ADGRA3: variants seen among roughly 807,000 people sequenced by gnomAD.
The protein encoded by ADGRA3 is adhesion G protein-coupled receptor A3.
In ADGRA3, 56 loss-of-function variants were observed where a neutral mutation model predicts 119.8. The ratio of observed to expected loss-of-function variants is 0.47; its 90% CI spans 0.38 to 0.58. ADGRA3 has a LOEUF of 0.58. Among genes scored for constraint, ADGRA3 ranks in the 20% least tolerant of loss-of-function variants. ADGRA3 has a pLI of 0.00. For missense variants in ADGRA3, 1,516 were observed against 1,649.0 expected, an observed-to-expected ratio of 0.92 and a Z score of 1.40; for synonymous variants, 607 against 623.8, an observed-to-expected ratio of 0.97 and a Z score of 0.40.
intron 1 of ADGRA3, among the ~76,000 whole-genome samples, chr4:22,502,964 T>C (rs991638401): frequency 6.6e-6 from 1 of 150,652 alleles, no homozygotes; most frequent in Non-Finnish European, 1.5e-5. Context: ...AGTGCTTACA[T>C]GCTAGACTCT....
chr4:22,461,838 A>C, intron 2 of ADGRA3, 30 bp from the exon 3 acceptor site: 1 of 1,379,080 alleles, frequency 7.3e-7, no homozygotes, highest in Non-Finnish European at 1.0e-6. Flanking sequence ...AGTTATTCAC[A>C]TATCAACACT....
chr4:22,411,878 G>A (rs1316748791), intron 14 of ADGRA3, among the ~76,000 whole-genome samples: 1 of 151,772 alleles, frequency 6.6e-6, no homozygotes, highest in Non-Finnish European at 1.5e-5. Context: ...CCTTTACTCT[G>A]ATAAATAATC....
intron 1 of ADGRA3, among the ~76,000 whole-genome samples, chr4:22,480,318 GA>G (rs1222114562): frequency 6.6e-6 from 1 of 152,030 alleles, no homozygotes; most frequent in Non-Finnish European, 1.5e-5. Flanking sequence ...CACAGTGGGG[GA>G]AAAATGTGAT....
intron 1 of ADGRA3, among the ~76,000 whole-genome samples, chr4:22,492,060 G>T (rs1486752118): frequency 6.6e-6 from 1 of 152,134 alleles, no homozygotes; most frequent in African/African-American, 2.4e-5. Context: ...AAATAATATT[G>T]CTAAGAAATC....
At chr4:22,503,380 A>G (rs1040760622) in intron 1 of ADGRA3, among the ~76,000 whole-genome samples, 10 of 152,228 alleles carry the variant, frequency 6.6e-5, no homozygotes, top group South Asian at 6.2e-4. Flanking sequence ...TTGCACAATA[A>G]AACAAAGAAT....
intron 1 of ADGRA3, among the ~76,000 whole-genome samples, chr4:22,509,827 G>A (rs552714206): frequency 1.3e-4 from 20 of 151,866 alleles, no homozygotes; most frequent in Non-Finnish European, 1.9e-4. Context: ...TGGCTAACAC[G>A]GTGAAACCCC....
chr4:22,511,896 T>TTTC (rs1719461506), intron 1 of ADGRA3, among the ~76,000 whole-genome samples: 1 of 16,122 alleles, frequency 6.2e-5, no homozygotes, highest in African/African-American at 4.8e-4. Flanking sequence ...TCTTTCTTTC[T>TTTC]TTTTTTTTTT....
rs778903224 is a variant in ADGRA3, at chr4:22,388,156, T to C, written c.3515A>G (p.His1172Arg). 2.5e-6 allele frequency: 4 copies of C among 1,614,124 alleles called. No homozygotes were observed. Among genetic ancestry groups the C allele is most frequent in the Non-Finnish European group, 3.4e-6 (4 of 1,180,006 alleles). The change falls in exon 19 of 19, where the codon CAT becomes CGT. Residue 1172 changes from histidine to arginine, a missense_variant. Physicochemically the swap from His to Arg is conservative, Grantham distance 29. Coordinates refer to ENST00000334304, the MANE Select transcript of ADGRA3 (RefSeq NM_145290.4). ...FRTNVHSSRH[H>R]KNRSKGHRAS... ...CCGGTGTCCTTTACTTCTGTTTTTA[T>C]GGTGGCGGCTTGAGTGCACATTTGT...
intron 14 of ADGRA3, among the ~76,000 whole-genome samples, chr4:22,405,843 T>C (rs1304772392): frequency 6.6e-6 from 1 of 152,212 alleles, no homozygotes; most frequent in Non-Finnish European, 1.5e-5. Flanking sequence ...ATATGAAATA[T>C]GCAATAAATA....
At chr4:22,412,646 T>C (rs1197626231) in intron 14 of ADGRA3, among the ~76,000 whole-genome samples, 1 of 152,088 alleles carries the variant, frequency 6.6e-6, no homozygotes, top group East Asian at 1.9e-4. Flanking sequence ...CAACGGCAAA[T>C]AACAGAAAAC....
At chr4:22,509,335 T>C (rs1253885538) in intron 1 of ADGRA3, among the ~76,000 whole-genome samples, 4 of 151,786 alleles carry the variant, frequency 2.6e-5, no homozygotes, top group Non-Finnish European at 5.9e-5. Context: ...ACCCCATCTC[T>C]ACTAAAGATC....
chr4:22,502,239 G>A (rs1045455039), intron 1 of ADGRA3, among the ~76,000 whole-genome samples: 1 of 152,164 alleles, frequency 6.6e-6, no homozygotes, highest in African/African-American at 2.4e-5. Context: ...GCAATAATTA[G>A]TAAGTATGAA....
chr4:22,483,822 T>C (rs1718329646), intron 1 of ADGRA3, among the ~76,000 whole-genome samples: 1 of 152,206 alleles, frequency 6.6e-6, no homozygotes. Flanking sequence ...GTCAGCATAA[T>C]TAAAGGCAGA....
chr4:22,404,790 T>C (rs1714829676), intron 14 of ADGRA3, among the ~76,000 whole-genome samples: 1 of 152,202 alleles, frequency 6.6e-6, no homozygotes, highest in African/African-American at 2.4e-5. Flanking sequence ...CTGTTAAAAG[T>C]CCAGAATATT....
chr4:22,480,827 G>A lies in ADGRA3; in HGVS notation c.258-6984C>T, dbSNP rs1718237898. Among the ~76,000 whole-genome samples, 3 of 152,090 alleles carry A rather than the reference G, an allele frequency of 2.0e-5. No individual in the cohort carries two copies. The South Asian group carries it at 6.2e-4, about 32-fold the overall frequency. On this transcript the variant is annotated intron_variant, in intron 1 of 18. Coordinates refer to ENST00000334304, the MANE Select transcript of ADGRA3 (RefSeq NM_145290.4). ...AAAGATGCAGTGTTGTAGGACTCAG[G>A]GAGAGGAAGCACTTTAGGTATTCAC...
In ADGRA3 at chr4:22,515,634, C is replaced by CA; in HGVS notation, c.150_151insT (p.Gly51TrpfsTer40). The CA allele has an allele frequency of 6.7e-7, 1 of 1,486,894 alleles. No individual in the cohort carries two copies. The highest frequency in any genetic ancestry group is 9.0e-7 in the Non-Finnish European group (1 of 1,114,796). 92.1% of individuals were successfully genotyped at this position (1,486,894 alleles called of 1,614,324 possible). ...GCGGCGCCCGCCGCCCTGCCAGCCC[C>CA]TCGGGGCCGCCCATCGTGCTTGCAG... On this transcript the variant is annotated frameshift_variant, in exon 1 of 19. Transcript: ENST00000334304. LOFTEE classifies it high-confidence loss of function.
intron 1 of ADGRA3, among the ~76,000 whole-genome samples, chr4:22,503,639 A>ATGAAGTCT (rs11281456): frequency 9.9e-4 from 151 of 152,204 alleles, no homozygotes; most frequent in Middle Eastern, 6.8e-3. Context: ...ACATGAGGAA[A>ATGAAGTCT]CTGACACCTC....
At chr4:22,433,259 A>G (rs1348532019) in intron 10 of ADGRA3, among the ~76,000 whole-genome samples, 2 of 152,204 alleles carry the variant, frequency 1.3e-5, no homozygotes, top group East Asian at 1.9e-4. Context: ...TCTTCTTCAC[A>G]CTAAATTTTT....
intron 14 of ADGRA3, among the ~76,000 whole-genome samples, chr4:22,411,743 C>G (rs1715209300): frequency 6.6e-6 from 1 of 151,938 alleles, no homozygotes; most frequent in African/African-American, 2.4e-5. Flanking sequence ...AAAGTTAATC[C>G]CAATTGAATA....
Sources: allele counts gnomAD v4.1 joint callset (sites outside exome capture counted in the v4.1 genomes callset), GRCh38; gene constraint gnomAD v4.1.1; transcripts MANE v1.5; gene names NCBI Gene and HGNC (gene_info 2026-07-23, HGNC 2026-07-21).